The following AP4S1 variants were observed in gnomAD, a reference collection of about 807,000 sequenced individuals.
AP4S1 encodes AP-4 complex subunit sigma-1.
AP4S1 carries 23 observed loss-of-function variants against 19.8 expected under a neutral mutation model. That is an observed-to-expected ratio of 1.16 (90% CI 0.84 to 1.65). AP4S1 has a LOEUF of 1.65. Ranked by LOEUF, AP4S1 falls within the 40% of genes most tolerant of loss-of-function variation. The pLI is 0.00. For synonymous variants in AP4S1, 46 were observed against 54.1 expected (o/e 0.85, Z 0.66); for missense variants, 166 against 172.8 (o/e 0.96, Z 0.22).
chr14:31,066,275 A>G lies in AP4S1; in HGVS notation c.79A>G (p.Lys27Glu). Residue 27 changes from lysine (K) to glutamate (E), a missense_variant, in exon 2 of 6, where the codon AAG (lysine) becomes GAG (glutamate). Physicochemically the swap from Lys to Glu is moderately conservative, Grantham distance 56. Transcript: ENST00000542754. ...GTACTATGAACATGTGGATATTAATAAGCGTACACTTCTGGAAACAGAAGT... is the reference window on the plus strand; with the variant it reads ...GTACTATGAACATGTGGATATTAATGAGCGTACACTTCTGGAAACAGAAGT... Reference protein sequence around the residue: ...SKYYEHVDINKRTLLETEVIK... With the variant: ...SKYYEHVDINERTLLETEVIK... 6.2e-7 allele frequency: 1 copy of G among 1,614,008 alleles called. No homozygotes were observed. The highest frequency in any genetic ancestry group is 8.5e-7 in the Non-Finnish European group (1 of 1,179,928).
intron 1 of AP4S1, among the ~76,000 whole-genome samples, chr14:31,044,078 A>G (rs1236314857): frequency 6.6e-6 from 1 of 152,206 alleles, no homozygotes; most frequent in East Asian, 1.9e-4. Context: ...ATTTAACTCA[A>G]TGTTTTTAAA....
chr14:31,063,879 A>G (rs998880789), intron 1 of AP4S1, among the ~76,000 whole-genome samples: 2 of 152,218 alleles, frequency 1.3e-5, no homozygotes, highest in Non-Finnish European at 2.9e-5. Context: ...TAAATCTAAA[A>G]TTTCAAATGT....
Position 31,093,243 on chromosome 14 carries a change from A to AAACT in AP4S1, c.*209_*212dup. On this transcript the variant is annotated 3_prime_UTR_variant, in exon 6 of 6. Coordinates refer to ENST00000542754, the MANE Select transcript of AP4S1 (RefSeq NM_001128126.3). The stretch of plus-strand genomic sequence containing the variant: ...TATGTACAAAGAAAAAAATTTCTTT[A>AAACT]AACTGAGAGAGAAGTTTTATTTTCT... The AAACT allele has an allele frequency of 2.4e-6, 1 of 418,412 alleles. No individual in the cohort carries two copies. The highest frequency in any genetic ancestry group is 3.7e-5 in the South Asian group (1 of 26,952). 25.9% of individuals were successfully genotyped at this position (418,412 alleles called of 1,614,324 possible).
rs377744052 is a variant in AP4S1, at chr14:31,066,329, G to A, written c.133G>A (p.Glu45Lys). 4.3e-5 allele frequency: 70 copies of A among 1,613,940 alleles called. No individual in the cohort carries two copies. In the African/African-American group the frequency reaches 8.1e-4, roughly 19 times the overall value. ...AAAGAGCTGTCTCTCTCGATCCAAT[G>A]AACAAGTAAGTCTCTGGTTCTCTCT... is the stretch of plus-strand genomic sequence containing the variant. ...VIKSCLSRSN[E>K]QCSFIEYKDF... The change falls in exon 2 of 6, where the codon GAA (glutamate) becomes AAA (lysine). Residue 45 changes from glutamate to lysine, a missense_variant. Physicochemically the swap from Glu to Lys is moderately conservative, Grantham distance 56. Transcript: ENST00000542754.
chr14:31,085,058 C>T (rs567120979), intron 5 of AP4S1: 2 of 1,438,278 alleles, frequency 1.4e-6, no homozygotes, highest in Admixed American at 2.7e-5. Flanking sequence ...GACTGGAATG[C>T]AGCAGTACTG....
At chr14:31,068,798 G>A (rs943329713) in intron 2 of AP4S1, among the ~76,000 whole-genome samples, 1 of 152,112 alleles carries the variant, frequency 6.6e-6, no homozygotes, top group Admixed American at 6.6e-5. Context: ...TTTATCCATA[G>A]AGGTGCTTTG....
rs1182207910 is a variant in AP4S1, at chr14:31,049,428, AATATATATATATAT to A, written c.-71-16677_-71-16664del. Among the ~76,000 whole-genome samples, 90 of 57,704 alleles carry A rather than the reference AATATATATATATAT, an allele frequency of 1.6e-3. 1 individual carries two copies. Among genetic ancestry groups the A allele is most frequent in the African/African-American group, 3.1e-3 (39 of 12,634 alleles). The allele number at this position is 57,704 out of a possible 152,430, so 37.9% of individuals were successfully genotyped here. Reference sequence around the variant, plus strand: ...GACTCGGTCTCAAAAAAAAAAAAAAAATATATATATATATATATATATATATATATATATGTATA... The same window carrying A: ...GACTCGGTCTCAAAAAAAAAAAAAAAATATATATATATATATATATGTATA... On this transcript the variant is annotated intron_variant, in intron 1 of 5. Coordinates refer to ENST00000542754, the MANE Select transcript of AP4S1 (RefSeq NM_001128126.3).
intron 1 of AP4S1, chr14:31,026,386 C>T (rs1043144012): frequency 5.4e-6 from 2 of 367,518 alleles, no homozygotes; most frequent in Middle Eastern, 7.3e-4. Flanking sequence ...ATCTGCCCGT[C>T]TCACTCACTC....
chr14:31,064,966 A>G (rs1886636743), intron 1 of AP4S1, among the ~76,000 whole-genome samples: 1 of 152,132 alleles, frequency 6.6e-6, no homozygotes, highest in Non-Finnish European at 1.5e-5. Flanking sequence ...AAATAAAGTA[A>G]GGATAACAGA....
intron 5 of AP4S1, chr14:31,085,222 C>T: frequency 2.8e-6 from 3 of 1,069,812 alleles, no homozygotes; most frequent in Non-Finnish European, 1.1e-6. Flanking sequence ...TCCTGGGCCC[C>T]TAGAATTTAT....
Position 31,093,040 on chromosome 14 carries a change from A to G in AP4S1, c.*5A>G. On this transcript the variant is annotated 3_prime_UTR_variant, in exon 6 of 6. Transcript: ENST00000542754. ...GATAAGATGTCAGAAAGCTGAAAGG[A>G]AGTCTCTTCGAGACAATATGGATTT... 1 of 1,547,976 alleles carries G rather than the reference A, an allele frequency of 6.5e-7. No homozygotes were observed. Among genetic ancestry groups the G allele is most frequent in the East Asian group, 2.5e-5 (1 of 40,802 alleles).
intron 2 of AP4S1, among the ~76,000 whole-genome samples, chr14:31,067,971 C>T (rs558264089): frequency 2.4e-4 from 36 of 152,134 alleles, no homozygotes; most frequent in Non-Finnish European, 4.1e-4. Context: ...CAGGTTCAAG[C>T]GATTCTCCTG....
rs1888133993 is a variant in AP4S1, at chr14:31,093,685, ATC to A, written c.*652_*653del. 6.6e-6 allele frequency: 1 copy of A among 152,338 alleles called. No individual in the cohort carries two copies. Among genetic ancestry groups the A allele is most frequent in the Non-Finnish European group, 1.5e-5 (1 of 68,224 alleles). 9.4% of individuals were successfully genotyped at this position (152,338 alleles called of 1,614,324 possible). On this transcript the variant is annotated 3_prime_UTR_variant, in exon 6 of 6. Transcript: ENST00000542754. ...TGTCTCAAACTCCTGACCTCAGGTG[ATC>A]TGCCTGCCTCAGCCTCCCAGAACGC...
intron 5 of AP4S1, among the ~76,000 whole-genome samples, chr14:31,080,932 C>T (rs1013507176): frequency 1.3e-5 from 2 of 152,104 alleles, no homozygotes; most frequent in African/African-American, 2.4e-5. Context: ...TGAGGCATTA[C>T]GGGCGCCCAC....
intron 1 of AP4S1, among the ~76,000 whole-genome samples, chr14:31,063,166 C>A (rs934492642): frequency 6.6e-6 from 1 of 152,096 alleles, no homozygotes; most frequent in African/African-American, 2.4e-5. Flanking sequence ...CGCAGTGACT[C>A]ATGCCTGTAA....
At chr14:31,052,561 C>T (rs1885856625) in intron 1 of AP4S1, among the ~76,000 whole-genome samples, 1 of 151,618 alleles carries the variant, frequency 6.6e-6, no homozygotes, top group Non-Finnish European at 1.5e-5. Context: ...CCCTTTTCTA[C>T]TAAAAATACA....
intron 1 of AP4S1, among the ~76,000 whole-genome samples, chr14:31,045,381 T>A (rs1437278998): frequency 1.3e-5 from 2 of 152,166 alleles, no homozygotes; most frequent in Non-Finnish European, 2.9e-5. Context: ...GTTGAAGTAA[T>A]TGAATCATGG....
chr14:31,040,441 T>G (rs1330323840), intron 1 of AP4S1, among the ~76,000 whole-genome samples: 1 of 152,186 alleles, frequency 6.6e-6, no homozygotes, highest in East Asian at 1.9e-4. Flanking sequence ...CATAGGTAAA[T>G]TAAATTTTAA....
At chr14:31,047,856 A>G (rs548978581) in intron 1 of AP4S1, among the ~76,000 whole-genome samples, 235 of 152,112 alleles carry the variant, frequency 1.5e-3, no homozygotes, top group African/African-American at 5.0e-3. Flanking sequence ...GGTTAATTTT[A>G]GTAGAGATGA....
Sources: allele counts gnomAD v4.1 joint callset (sites outside exome capture counted in the v4.1 genomes callset), GRCh38; gene constraint gnomAD v4.1.1; transcripts MANE v1.5; gene names NCBI Gene and HGNC (gene_info 2026-07-23, HGNC 2026-07-21).